INPP5A: variants seen among roughly 807,000 people sequenced by gnomAD.
The protein encoded by INPP5A is 43 kDa inositol polyphosphate 5-phophatase.
Under a neutral mutation model 65.2 loss-of-function variants are expected in INPP5A, and 14 were observed. That is an observed-to-expected ratio of 0.21 (90% CI 0.14 to 0.34). The LOEUF (loss-of-function observed/expected upper bound fraction) is 0.34, where lower values mean the gene tolerates loss of function less well. Ranked by LOEUF, INPP5A falls within the 10% of genes least tolerant of loss-of-function variation. The pLI is 1.00. For missense variants in INPP5A, 431 were observed against 545.6 expected (o/e 0.79, Z 2.09); for synonymous variants, 207 against 208.3 (o/e 0.99, Z 0.05).
At chr10:132,754,032 G>C (rs1164858366) in intron 11 of INPP5A, 1 of 152,262 alleles carries the variant, frequency 6.6e-6, no homozygotes, top group Admixed American at 6.5e-5. Flanking sequence ...TCCAGCCGCA[G>C]CAGGGGCCCT....
intron 1 of INPP5A, among the ~76,000 whole-genome samples, chr10:132,605,340 G>T (rs1237023659): frequency 3.0e-5 from 4 of 133,720 alleles, no homozygotes; most frequent in Non-Finnish European, 6.5e-5. Flanking sequence ...GGGATGGGGA[G>T]GGCATTGATC....
chr10:132,748,896 C>T (rs1401305380), intron 9 of INPP5A, among the ~76,000 whole-genome samples: 1 of 152,260 alleles, frequency 6.6e-6, no homozygotes, highest in African/African-American at 2.4e-5. Flanking sequence ...CGCTGGGACC[C>T]TGGCGGGAGC....
At chr10:132,701,476 C>T (rs897951245) in intron 6 of INPP5A, among the ~76,000 whole-genome samples, 1 of 152,012 alleles carries the variant, frequency 6.6e-6, no homozygotes, top group Non-Finnish European at 1.5e-5. Flanking sequence ...GGCCATACAC[C>T]CTCTGCCTCC....
chr10:132,574,628 GTATTTTATTTTATTTTATTTTATTT>G (rs66485970), intron 1 of INPP5A, among the ~76,000 whole-genome samples: 14 of 114,196 alleles, frequency 1.2e-4, no homozygotes, highest in Non-Finnish European at 2.3e-4. Flanking sequence ...TTTTAATTTT[GTATTTTATTTTATTTTATTTTATTT>G]TATTTTATTT....
At chr10:132,625,977 G>A (rs967761957) in intron 2 of INPP5A, among the ~76,000 whole-genome samples, 4 of 152,126 alleles carry the variant, frequency 2.6e-5, no homozygotes, top group Non-Finnish European at 4.4e-5. Flanking sequence ...TGACAAATGC[G>A]CACACCTGTA....
intron 1 of INPP5A, among the ~76,000 whole-genome samples, chr10:132,597,559 A>G (rs1366699104): frequency 3.3e-5 from 5 of 152,268 alleles, no homozygotes; most frequent in African/African-American, 9.6e-5. Flanking sequence ...GGAATGCATT[A>G]GGCAAGTTAA....
chr10:132,726,927 G>A lies in INPP5A; in HGVS notation c.732+22G>A, dbSNP rs202045124. The A allele has an allele frequency of 2.6e-5, 41 of 1,560,968 alleles. No individual in the cohort carries two copies. In the East Asian group the frequency reaches 2.9e-4, roughly 11 times the overall value. ...GGAGGTAGGCGCTGGCTTCCCTCCC[G>A]CCCTGGTCTCATGCCTTGCTCTGTG... is the stretch of plus-strand genomic sequence containing the variant. On this transcript the variant is annotated intron_variant, in intron 9 of 15. Transcript: ENST00000368594.
chr10:132,710,192 T>A, intron 7 of INPP5A, 145 bp from the exon 8 acceptor site: 1 of 788,816 alleles, frequency 1.3e-6, no homozygotes, highest in South Asian at 1.8e-5. Flanking sequence ...GGAAGACAGG[T>A]GGGTGGACAG....
At chr10:132,557,307 A>G (rs1254901335) in intron 1 of INPP5A, among the ~76,000 whole-genome samples, 1 of 152,256 alleles carries the variant, frequency 6.6e-6, no homozygotes, top group African/African-American at 2.4e-5. Context: ...GCCACGGGTC[A>G]CAGTGCTCAG....
chr10:132,542,570 G>A (rs967756099), intron 1 of INPP5A, among the ~76,000 whole-genome samples: 6 of 152,200 alleles, frequency 3.9e-5, no homozygotes, highest in African/African-American at 1.2e-4. Flanking sequence ...CTCTACCGTG[G>A]CAGCCCTCGA....
chr10:132,775,631 C>T (rs1195943945), intron 12 of INPP5A, among the ~76,000 whole-genome samples: 1 of 152,162 alleles, frequency 6.6e-6, no homozygotes, highest in African/African-American at 2.4e-5. Context: ...CTCACCCAGG[C>T]TTCTTCCTCC....
Position 132,650,314 on chromosome 10 carries a change from T to C in INPP5A, c.219-104T>C. Reference sequence around the variant, plus strand: ...CTGTCACGGGTGGATGGTCTCACGGTGATGTACCTATGTGCTGGAGCCCCT... The same window carrying C: ...CTGTCACGGGTGGATGGTCTCACGGCGATGTACCTATGTGCTGGAGCCCCT... On this transcript the variant is annotated intron_variant, in intron 3 of 15. Transcript: ENST00000368594. The surrounding 1 kb of genome is among the most constrained non-coding windows in gnomAD (Gnocchi z 5.5). 2 of 763,980 alleles carry C rather than the reference T, an allele frequency of 2.6e-6. No individual in the cohort carries two copies. The highest frequency in any genetic ancestry group is 2.6e-5 in the East Asian group (1 of 38,862). 47.3% of individuals were successfully genotyped at this position (763,980 alleles called of 1,614,324 possible). A position where few individuals can be genotyped will look rare whatever the true frequency, so the allele number is the denominator to read the frequency against.
chr10:132,650,642 C>T lies in INPP5A; in HGVS notation c.306+137C>T. ...CACTCACGCTGCCCTGCCTGGCACT[C>T]CCGCAGCCTGCTTGGTGGTCTGCTC... On this transcript the variant is annotated intron_variant, in intron 4 of 15. Coordinates refer to ENST00000368594, the MANE Select transcript of INPP5A (RefSeq NM_005539.5). The surrounding 1 kb of genome is among the most constrained non-coding windows in gnomAD (Gnocchi z 5.5). 1 of 662,508 alleles carries T rather than the reference C, an allele frequency of 1.5e-6. No individual in the cohort carries two copies. Among genetic ancestry groups the T allele is most frequent in the Non-Finnish European group, 2.7e-6 (1 of 372,314 alleles). 41.0% of individuals were successfully genotyped at this position (662,508 alleles called of 1,614,324 possible). A position where few individuals can be genotyped will look rare whatever the true frequency, so the allele number is the denominator to read the frequency against.
At chr10:132,640,803 C>T (rs2133384740) in intron 2 of INPP5A, among the ~76,000 whole-genome samples, 1 of 152,354 alleles carries the variant, frequency 6.6e-6, no homozygotes, top group African/African-American at 2.4e-5. Flanking sequence ...CTTTGCCCCT[C>T]TTTGCCAGCA....
chr10:132,547,569 C>A lies in INPP5A; in HGVS notation c.75+9398C>A, dbSNP rs1590819651. 6.6e-6 allele frequency among the ~76,000 whole-genome samples: 1 copy of A among 152,196 alleles called. No individual in the cohort carries two copies. Among genetic ancestry groups the A allele is most frequent in the Non-Finnish European group, 1.5e-5 (1 of 68,028 alleles). ...GTTCCCGGGAGGCCGGGCACCTGCA[C>A]CCTCGCCGTCGCCCTGGGCTGACCT... On this transcript the variant is annotated intron_variant, in intron 1 of 15. Coordinates refer to ENST00000368594, the MANE Select transcript of INPP5A (RefSeq NM_005539.5). The surrounding 1 kb of genome is among the most constrained non-coding windows in gnomAD (Gnocchi z 5.5).
chr10:132,548,303 A>G (rs1003224547), intron 1 of INPP5A, among the ~76,000 whole-genome samples: 2 of 152,084 alleles, frequency 1.3e-5, no homozygotes, highest in Non-Finnish European at 1.5e-5. Flanking sequence ...GTTTGCGGCC[A>G]CATATGCCAT....
intron 12 of INPP5A, among the ~76,000 whole-genome samples, chr10:132,775,544 G>T (rs1591006965): frequency 6.6e-6 from 1 of 152,088 alleles, no homozygotes; most frequent in South Asian, 2.1e-4. Context: ...TTTCTCCCTG[G>T]GTGTTGGGGG....
intron 4 of INPP5A, among the ~76,000 whole-genome samples, chr10:132,673,610 C>G (rs936175577): frequency 6.6e-6 from 1 of 152,222 alleles, no homozygotes; most frequent in Non-Finnish European, 1.5e-5. Context: ...CCCCCTGCCA[C>G]ACTTCTTTAG....
intron 8 of INPP5A, among the ~76,000 whole-genome samples, chr10:132,713,802 G>C (rs1475230355): frequency 6.6e-6 from 1 of 152,172 alleles, no homozygotes; most frequent in African/African-American, 2.4e-5. Flanking sequence ...CCGAGGCAGG[G>C]ATCGGTCTGA....
Sources: allele counts gnomAD v4.1 joint callset (sites outside exome capture counted in the v4.1 genomes callset), GRCh38; gene constraint gnomAD v4.1.1; non-coding constraint Gnocchi (gnomAD v3.1); transcripts MANE v1.5; gene names NCBI Gene and HGNC (gene_info 2026-07-23, HGNC 2026-07-21).